Variants in PLCXD2 observed in about 807,000 individuals in gnomAD.
The protein encoded by PLCXD2 is phosphatidylinositol specific phospholipase C X domain containing 2.
In PLCXD2, 21 loss-of-function variants were observed where a neutral mutation model predicts 28.6. That is an observed-to-expected ratio of 0.73 (90% CI 0.52 to 1.06). The LOEUF (loss-of-function observed/expected upper bound fraction) is 1.06, where lower values mean the gene tolerates loss of function less well. Ranked by LOEUF, PLCXD2 falls within the 50% of genes least tolerant of loss-of-function variation. PLCXD2 has a pLI of 0.00. For synonymous variants in PLCXD2, 140 were observed against 150.1 expected, an observed-to-expected ratio of 0.93 and a Z score of 0.49; for missense variants, 369 against 376.7, an observed-to-expected ratio of 0.98 and a Z score of 0.17.
intron 3 of PLCXD2, chr3:111,724,237 A>T (rs1337585033): frequency 1.3e-5 from 2 of 152,170 alleles, no homozygotes; most frequent in African/African-American, 4.8e-5. Flanking sequence ...ATGCCAAAAA[A>T]GTTTTTATAT....
intron 1 of PLCXD2, among the ~76,000 whole-genome samples, chr3:111,703,387 C>T (rs1397022286): frequency 6.6e-6 from 1 of 152,172 alleles, no homozygotes; most frequent in African/African-American, 2.4e-5. Flanking sequence ...TCAAAATGAT[C>T]CCTGGGGTCC....
At chr3:111,704,918 T>C (rs562034976) in intron 1 of PLCXD2, among the ~76,000 whole-genome samples, 4 of 151,966 alleles carry the variant, frequency 2.6e-5, no homozygotes, top group Admixed American at 1.3e-4. Context: ...GTTCAAGTAA[T>C]GCTCACGCCT....
chr3:111,696,749 C>A lies in PLCXD2; in HGVS notation c.164-11177C>A, dbSNP rs376309049. On this transcript the variant is annotated intron_variant, in intron 1 of 4. Coordinates refer to ENST00000477665, the MANE Select transcript of PLCXD2 (RefSeq NM_001185106.1). ...TTTTTAGCCCAAGCTTACGATGGAC[C>A]GACCAGATGATCTTAGTTTTGATAG... Among the ~76,000 whole-genome samples the A allele has an allele frequency of 2.3e-3, 357 of 152,110 alleles. 14 individuals carry two copies. In the South Asian group the frequency reaches 0.059, roughly 25 times the overall value.
chr3:111,675,157 T>C lies in PLCXD2; in HGVS notation c.-89T>C. 1 of 1,475,438 alleles carries C rather than the reference T, an allele frequency of 6.8e-7. No individual in the cohort carries two copies. Among genetic ancestry groups the C allele is most frequent in the Non-Finnish European group, 9.2e-7 (1 of 1,087,104 alleles). The allele number at this position is 1,475,438 out of a possible 1,614,324, so 91.4% of individuals were successfully genotyped here. On this transcript the variant is annotated 5_prime_UTR_variant, in exon 1 of 5. Transcript: ENST00000477665. Reference sequence around the variant, plus strand: ...TTTGGAAAGACTGGCGTGGCAAGCGTCGCCCTGAAACGTCCACAGAGCCCA... The same window carrying C: ...TTTGGAAAGACTGGCGTGGCAAGCGCCGCCCTGAAACGTCCACAGAGCCCA...
intron 1 of PLCXD2, among the ~76,000 whole-genome samples, chr3:111,687,293 G>C (rs916886211): frequency 6.6e-6 from 1 of 152,204 alleles, no homozygotes; most frequent in South Asian, 2.1e-4. Context: ...ACAGAGGAAA[G>C]AACAGGTCAG....
chr3:111,678,270 A>G (rs1003097907), intron 1 of PLCXD2, among the ~76,000 whole-genome samples: 21 of 152,266 alleles, frequency 1.4e-4, no homozygotes, highest in Non-Finnish European at 1.0e-4. Context: ...ACCACCAAAC[A>G]TATTAAAATA....
chr3:111,693,938 G>C (rs1238897464), intron 1 of PLCXD2, among the ~76,000 whole-genome samples: 1 of 152,236 alleles, frequency 6.6e-6, no homozygotes, highest in Non-Finnish European at 1.5e-5. Flanking sequence ...TTGAGGGATG[G>C]GGCATCAAAA....
At chr3:111,723,736 A>G (rs1254083030) in intron 3 of PLCXD2, 1 of 152,244 alleles carries the variant, frequency 6.6e-6, no homozygotes, top group East Asian at 1.9e-4. Context: ...GAACTCAGGC[A>G]TGTGGGACAG....
Position 111,708,199 on chromosome 3 carries a change from T to C in PLCXD2, c.437T>C (p.Ile146Thr), listed in dbSNP as rs1424554522. 2 of 1,614,108 alleles carry C rather than the reference T, an allele frequency of 1.2e-6. No individual in the cohort carries two copies. Among genetic ancestry groups the C allele is most frequent in the East Asian group, 2.2e-5 (1 of 44,886 alleles). Residue 146 changes from isoleucine to threonine, a missense_variant, in exon 2 of 5, where the codon ATT becomes ACT. Coordinates refer to ENST00000477665, the MANE Select transcript of PLCXD2 (RefSeq NM_001185106.1). ...AAGGTCTGGGATGGGCTGATGGAAA[T>C]TGACTCGTTTCTTACACAGCACCCC...
intron 1 of PLCXD2, among the ~76,000 whole-genome samples, chr3:111,684,431 ATCACTTGAGG>A (rs1940763929): frequency 6.6e-6 from 1 of 151,412 alleles, no homozygotes; most frequent in African/African-American, 2.4e-5. Context: ...AGGCTGGTGG[ATCACTTGAGG>A]TCAGGAGTTT....
At chr3:111,722,986 T>C (rs1344183951) in intron 3 of PLCXD2, 1 of 152,250 alleles carries the variant, frequency 6.6e-6, no homozygotes, top group Non-Finnish European at 1.5e-5. Context: ...GGGCCTTCTC[T>C]GGATAAGAGT....
chr3:111,706,648 A>T (rs76888332), intron 1 of PLCXD2, among the ~76,000 whole-genome samples: 1 of 142,666 alleles, frequency 7.0e-6, no homozygotes, highest in Non-Finnish European at 1.5e-5. Flanking sequence ...TGAATGGATT[A>T]AAAAAAAAAA....
intron 1 of PLCXD2, among the ~76,000 whole-genome samples, chr3:111,680,161 C>T (rs946966342): frequency 5.3e-5 from 8 of 152,074 alleles, no homozygotes; most frequent in African/African-American, 9.7e-5. Context: ...CTCCTGTGGC[C>T]GCACACCCTC....
At chr3:111,680,458 GA>G (rs5851774) in intron 1 of PLCXD2, among the ~76,000 whole-genome samples, 5,255 of 145,456 alleles carry the variant, frequency 0.036, 281 homozygotes, top group African/African-American at 0.12. Flanking sequence ...ACTCAATCAT[GA>G]AAAAAAAAAA....
intron 3 of PLCXD2, among the ~76,000 whole-genome samples, chr3:111,719,834 G>T (rs890727859): frequency 6.6e-6 from 1 of 152,182 alleles, no homozygotes; most frequent in African/African-American, 2.4e-5. Context: ...TTATGTGTAC[G>T]TATTTGTCAA....
At chr3:111,723,253 C>T (rs1347748403) in intron 3 of PLCXD2, 1 of 152,140 alleles carries the variant, frequency 6.6e-6, no homozygotes, top group African/African-American at 2.4e-5. Context: ...CGGCTTTGTC[C>T]AGGTGTTTGG....
chr3:111,683,865 C>T (rs1940753614), intron 1 of PLCXD2, among the ~76,000 whole-genome samples: 1 of 151,996 alleles, frequency 6.6e-6, no homozygotes, highest in African/African-American at 2.4e-5. Context: ...AATTAGCCCT[C>T]AGGATAAGAT....
Position 111,674,691 on chromosome 3 carries a change from G to C in PLCXD2, c.-555G>C, listed in dbSNP as rs1199935061. On this transcript the variant is annotated 5_prime_UTR_variant, in exon 1 of 5. Coordinates refer to ENST00000477665, the MANE Select transcript of PLCXD2 (RefSeq NM_001185106.1). ...GGGAGGGGCTGCTGGGAGTCCTGGT[G>C]CCGCCGGCTGCACTTCTGTGTGTCT... 2.0e-5 allele frequency: 3 copies of C among 152,532 alleles called. No homozygotes were observed. Among genetic ancestry groups the C allele is most frequent in the African/African-American group, 2.4e-5 (1 of 41,482 alleles). 9.4% of individuals were successfully genotyped at this position (152,532 alleles called of 1,614,324 possible).
At chr3:111,688,249 T>A (rs1940824174) in intron 1 of PLCXD2, among the ~76,000 whole-genome samples, 1 of 152,192 alleles carries the variant, frequency 6.6e-6, no homozygotes, top group Admixed American at 6.5e-5. Context: ...AGCCTTAAGA[T>A]CACCCTTGTT....
Sources: gnomAD v4.1 joint callset for allele counts (sites outside exome capture counted in the v4.1 genomes callset) on GRCh38, gnomAD v4.1.1 for gene constraint, MANE v1.5 for transcripts, NCBI Gene and HGNC (gene_info 2026-07-23, HGNC 2026-07-21) for gene names.